The following ATP9B variants were observed in gnomAD, a reference collection of about 807,000 sequenced individuals.
ATP9B encodes the protein ATPase phospholipid transporting 9B.
ATP9B carries 110 observed loss-of-function variants against 146.1 expected under a neutral mutation model. The observed-to-expected ratio is 0.75, with a 90% CI of 0.65 to 0.88. ATP9B has a LOEUF of 0.88. ATP9B is among the 40% of genes least tolerant of loss of function. The pLI, the probability that ATP9B is intolerant of heterozygous loss-of-function variation, is 0.00. For missense variants in ATP9B, 1,499 were observed against 1,496.4 expected (o/e 1.00, Z -0.03); for synonymous variants, 604 against 569.7 (o/e 1.06, Z -0.86).
At chr18:79,243,008 C>G (rs980643030) in intron 11 of ATP9B, among the ~76,000 whole-genome samples, 1 of 152,164 alleles carries the variant, frequency 6.6e-6, no homozygotes, top group African/African-American at 2.4e-5. Context: ...TCCTAACAAC[C>G]ATGGATTTTT....
chr18:79,135,823 T>A (rs944808484), intron 5 of ATP9B, among the ~76,000 whole-genome samples: 3 of 152,238 alleles, frequency 2.0e-5, no homozygotes, highest in Non-Finnish European at 2.9e-5. Flanking sequence ...TCTATTTTTG[T>A]CTACTGTGCA....
intron 11 of ATP9B, among the ~76,000 whole-genome samples, chr18:79,223,996 T>C (rs1417033851): frequency 6.6e-6 from 1 of 151,776 alleles, no homozygotes; most frequent in Non-Finnish European, 1.5e-5. Context: ...TGTAATTGAT[T>C]TCTATCACAG....
intron 9 of ATP9B, among the ~76,000 whole-genome samples, chr18:79,201,978 C>G (rs765331259): frequency 6.6e-6 from 1 of 152,028 alleles, no homozygotes; most frequent in Non-Finnish European, 1.5e-5. Context: ...CTGGAGCCTG[C>G]CAGGTTGAGG....
intron 26 of ATP9B, among the ~76,000 whole-genome samples, chr18:79,372,038 G>A (rs2097074288): frequency 6.6e-6 from 1 of 152,210 alleles, no homozygotes; most frequent in Non-Finnish European, 1.5e-5. Flanking sequence ...TAAAGACAGG[G>A]CCTCTCAACA....
chr18:79,095,612 A>G (rs1202256101), intron 1 of ATP9B: 1 of 152,236 alleles, frequency 6.6e-6, no homozygotes, highest in African/African-American at 2.4e-5. Context: ...ATTTCAATAT[A>G]AATGACTGCC....
chr18:79,347,286 C>G (rs773919921), intron 23 of ATP9B, among the ~76,000 whole-genome samples: 5 of 152,220 alleles, frequency 3.3e-5, no homozygotes, highest in Non-Finnish European at 7.3e-5. Context: ...TCCTTGGCTA[C>G]TTCATTTTGT....
At chr18:79,349,246 C>T (rs1002874604) in intron 25 of ATP9B, among the ~76,000 whole-genome samples, 8 of 152,244 alleles carry the variant, frequency 5.3e-5, no homozygotes, top group African/African-American at 1.9e-4. Context: ...CTCTGCAAAG[C>T]TCATGCCCAC....
intron 26 of ATP9B, among the ~76,000 whole-genome samples, chr18:79,369,663 A>G (rs369796932): frequency 6.6e-6 from 1 of 152,172 alleles, no homozygotes; most frequent in Non-Finnish European, 1.5e-5. Context: ...GGCTGGTCCC[A>G]TGCCACGGTG....
chr18:79,076,165 A>G (rs2072590040), intron 1 of ATP9B, among the ~76,000 whole-genome samples: 1 of 152,214 alleles, frequency 6.6e-6, no homozygotes, highest in African/African-American at 2.4e-5. Context: ...CCTATATCAG[A>G]CAGTGTTAAC....
Position 79,347,857 on chromosome 18 carries a change from A to G in ATP9B, c.2770A>G (p.Ser924Gly), listed in dbSNP as rs748839083. 5 of 1,613,828 alleles carry G rather than the reference A, an allele frequency of 3.1e-6. No individual in the cohort carries two copies. Among genetic ancestry groups the G allele is most frequent in the Admixed American group, 1.7e-5 (1 of 59,990 alleles). ...GCTGCTCATGGTGCACGGGCGGAAC[A>G]GCTACAAGAGGTCGGCGGCACTCGG... ...GRLLMVHGRN[S>G]YKRSAALGQF... Residue 924 changes from serine (S) to glycine (G), a missense_variant, in exon 24 of 30, where the codon AGC (serine) becomes GGC (glycine). Coordinates refer to ENST00000426216, the MANE Select transcript of ATP9B (RefSeq NM_198531.5).
intron 11 of ATP9B, 106 bp from the exon 12 acceptor site, chr18:79,253,275 T>C: frequency 9.2e-7 from 1 of 1,083,716 alleles, no homozygotes; most frequent in Non-Finnish European, 1.3e-6. Context: ...CTAATACCAA[T>C]AAATTTTAAA....
intron 1 of ATP9B, among the ~76,000 whole-genome samples, chr18:79,087,883 GT>G (rs1212329681): frequency 6.6e-6 from 1 of 152,104 alleles, no homozygotes; most frequent in East Asian, 1.9e-4. Flanking sequence ...GTTCATAATT[GT>G]TTTTACTCAT....
chr18:79,135,525 T>C (rs1361738604), intron 5 of ATP9B, among the ~76,000 whole-genome samples: 1 of 152,208 alleles, frequency 6.6e-6, no homozygotes. Context: ...CCACTCCACC[T>C]GCAGTTAGGC....
intron 5 of ATP9B, among the ~76,000 whole-genome samples, chr18:79,130,123 A>G (rs1377046375): frequency 1.3e-5 from 2 of 152,198 alleles, no homozygotes; most frequent in African/African-American, 2.4e-5. Flanking sequence ...GGTAATAGTA[A>G]CTGCCCCTGA....
At chr18:79,118,230 G>A in intron 4 of ATP9B, among the ~76,000 whole-genome samples, 1 of 151,918 alleles carries the variant, frequency 6.6e-6, no homozygotes, top group Admixed American at 6.6e-5. Flanking sequence ...ATGCATTTGT[G>A]CAAAACATTC....
intron 1 of ATP9B, among the ~76,000 whole-genome samples, chr18:79,090,873 G>T (rs2074265205): frequency 6.6e-6 from 1 of 152,086 alleles, no homozygotes; most frequent in Non-Finnish European, 1.5e-5. Context: ...TTGTCCTGGA[G>T]ATTTCCCCCA....
chr18:79,098,170 A>G (rs969651555), intron 2 of ATP9B, among the ~76,000 whole-genome samples: 9 of 152,096 alleles, frequency 5.9e-5, no homozygotes, highest in African/African-American at 2.2e-4. Context: ...TGGTGCTGGG[A>G]AAACTGGCTA....
chr18:79,231,803 T>TATATATATATATATATATACACACACAC (rs569726473), intron 11 of ATP9B, among the ~76,000 whole-genome samples: 10 of 114,746 alleles, frequency 8.7e-5, no homozygotes, highest in African/African-American at 3.4e-4. Context: ...TATATATATA[T>TATATATATATATATATATACACACACAC]ACACACACAC....
chr18:79,120,535 A>C (rs2094170540), intron 4 of ATP9B, among the ~76,000 whole-genome samples: 1 of 152,214 alleles, frequency 6.6e-6, no homozygotes, highest in Admixed American at 6.5e-5. Flanking sequence ...AGAAGTGTAA[A>C]TTGAAAATAA....
Sources: allele counts gnomAD v4.1 joint callset (sites outside exome capture counted in the v4.1 genomes callset), GRCh38; gene constraint gnomAD v4.1.1; transcripts MANE v1.5; gene names NCBI Gene and HGNC (gene_info 2026-07-23, HGNC 2026-07-21).